Variants in PPP1R9A observed in about 807,000 individuals in gnomAD.
PPP1R9A encodes protein phosphatase 1 regulatory subunit 9A, also known as neurabin-1.
Under a neutral mutation model 141.9 loss-of-function variants are expected in PPP1R9A, and 59 were observed. The ratio of observed to expected loss-of-function variants is 0.42; its 90% CI spans 0.34 to 0.52. The LOEUF is 0.52. Ranked by LOEUF, PPP1R9A falls within the 20% of genes least tolerant of loss-of-function variation. The pLI is 0.10. For missense variants in PPP1R9A, 1,444 were observed against 1,611.9 expected, an observed-to-expected ratio of 0.90 and a Z score of 1.78; for synonymous variants, 500 against 569.7, an observed-to-expected ratio of 0.88 and a Z score of 1.74.
intron 2 of PPP1R9A, among the ~76,000 whole-genome samples, chr7:94,979,857 G>A (rs939824547): frequency 3.9e-5 from 6 of 152,134 alleles, no homozygotes; most frequent in Non-Finnish European, 8.8e-5. Flanking sequence ...TCTGACAAGA[G>A]AAAAAGAATG....
Position 95,157,903 on chromosome 7 carries a change from G to A in PPP1R9A, c.1650-3964G>A, listed in dbSNP as rs549792258. Among the ~76,000 whole-genome samples, 84 of 152,186 alleles carry A rather than the reference G, an allele frequency of 5.5e-4. 2 individuals are homozygous for A. The highest frequency in any genetic ancestry group is 1.9e-3 in the African/African-American group (80 of 41,530). On this transcript the variant is annotated intron_variant, in intron 4 of 19. Coordinates refer to ENST00000433360, the MANE Select transcript of PPP1R9A (RefSeq NM_001166160.2). ...ATAAAGTTGTCAGTTCTCCCCAAGG[G>A]AATCTTTAAAATCAATATGATTTCA...
intron 5 of PPP1R9A, among the ~76,000 whole-genome samples, chr7:95,186,007 C>A (rs1301492220): frequency 1.3e-5 from 2 of 148,772 alleles, no homozygotes; most frequent in Non-Finnish European, 3.0e-5. Context: ...GCTATGCAGG[C>A]TCTTTTTTTG....
chr7:95,270,960 A>C (rs1198153073), intron 14 of PPP1R9A, among the ~76,000 whole-genome samples: 2 of 152,138 alleles, frequency 1.3e-5, no homozygotes, highest in Non-Finnish European at 2.9e-5. Flanking sequence ...GAAGAGAGAG[A>C]GATTGCGTCC....
At chr7:95,098,201 A>G (rs1382323947) in intron 2 of PPP1R9A, 1 of 152,202 alleles carries the variant, frequency 6.6e-6, no homozygotes, top group Non-Finnish European at 1.5e-5. Context: ...TAGCCTAGTC[A>G]TGTTGACATA....
chr7:95,233,021 A>G (rs1271261545), intron 8 of PPP1R9A, among the ~76,000 whole-genome samples: 1 of 152,222 alleles, frequency 6.6e-6, no homozygotes, highest in Non-Finnish European at 1.5e-5. Context: ...ATTACTGGGT[A>G]TATACCCAAA....
At chr7:95,287,769 T>A (rs899224776) in intron 18 of PPP1R9A, among the ~76,000 whole-genome samples, 51 of 152,132 alleles carry the variant, frequency 3.4e-4, no homozygotes, top group African/African-American at 1.2e-3. Context: ...CACTGCAACC[T>A]CCACCTCCTG....
At chr7:94,933,268 GT>G (rs1168387850) in intron 2 of PPP1R9A, among the ~76,000 whole-genome samples, 3 of 152,120 alleles carry the variant, frequency 2.0e-5, no homozygotes, top group African/African-American at 7.2e-5. Context: ...ATGTATTATG[GT>G]TTAGTTTTTA....
At chr7:95,218,573 A>T (rs1354262958) in intron 7 of PPP1R9A, among the ~76,000 whole-genome samples, 7 of 152,120 alleles carry the variant, frequency 4.6e-5, no homozygotes, top group Non-Finnish European at 7.4e-5. Context: ...TGGGGTGTTA[A>T]AGTCTCCCAT....
chr7:95,022,841 G>A (rs1399509158), intron 2 of PPP1R9A, among the ~76,000 whole-genome samples: 2 of 152,088 alleles, frequency 1.3e-5, no homozygotes, highest in Admixed American at 1.3e-4. Flanking sequence ...ACTTGATCGT[G>A]GTGGATAAGC....
intron 12 of PPP1R9A, among the ~76,000 whole-genome samples, chr7:95,266,546 T>C (rs1468677403): frequency 1.3e-5 from 2 of 151,996 alleles, no homozygotes; most frequent in Non-Finnish European, 2.9e-5. Context: ...ATCAAGACAC[T>C]AGAGTAATCA....
chr7:95,083,818 A>G (rs1164847644), intron 2 of PPP1R9A, among the ~76,000 whole-genome samples: 1 of 152,016 alleles, frequency 6.6e-6, no homozygotes, highest in Non-Finnish European at 1.5e-5. Context: ...ATGCTGAAAA[A>G]TTGCTGAATT....
At chr7:95,121,981 A>T (rs1342016496) in intron 4 of PPP1R9A, among the ~76,000 whole-genome samples, 1 of 152,170 alleles carries the variant, frequency 6.6e-6, no homozygotes, top group Non-Finnish European at 1.5e-5. Flanking sequence ...GTAGACCCAA[A>T]TATACGACTG....
At chr7:95,064,849 T>A (rs184513191) in intron 2 of PPP1R9A, among the ~76,000 whole-genome samples, 35 of 152,354 alleles carry the variant, frequency 2.3e-4, no homozygotes, top group Admixed American at 1.2e-3. Context: ...TATAACATAT[T>A]AAAATGACTT....
chr7:94,911,490 T>C lies in PPP1R9A; in HGVS notation c.1377T>C (p.Phe459=). The C allele has an allele frequency of 6.2e-7, 1 of 1,610,108 alleles. No individual in the cohort carries two copies. The highest frequency in any genetic ancestry group is 1.7e-5 in the Admixed American group (1 of 60,008). Residue 459 remains phenylalanine (F), a synonymous_variant, in exon 2 of 20, where the codon TTT becomes TTC. Coordinates refer to ENST00000433360, the MANE Select transcript of PPP1R9A (RefSeq NM_001166160.2). ...TCCCAGCAAATAGGAAAATTAAGTT[T>C]AGTAGTGCTCCTATTAAGGTAAGTG... ...EEIPANRKIK[F]SSAPIKVFNT...
chr7:95,070,404 A>C (rs1654589632), intron 2 of PPP1R9A, among the ~76,000 whole-genome samples: 1 of 151,990 alleles, frequency 6.6e-6, no homozygotes, highest in African/African-American at 2.4e-5. Flanking sequence ...ATAGATCACC[A>C]TGACCTTGTA....
chr7:94,972,273 G>A (rs1028051527), intron 2 of PPP1R9A, among the ~76,000 whole-genome samples: 2 of 152,154 alleles, frequency 1.3e-5, no homozygotes, highest in African/African-American at 4.8e-5. Flanking sequence ...TTCTAGTTAT[G>A]TAAGTGGATA....
intron 2 of PPP1R9A, among the ~76,000 whole-genome samples, chr7:94,934,134 A>T (rs1241136741): frequency 6.6e-6 from 1 of 152,178 alleles, no homozygotes; most frequent in African/African-American, 2.4e-5. Flanking sequence ...ATGAGGGTAA[A>T]GTAAGAGGTG....
At chr7:95,161,843 G>A (rs761603610) in intron 4 of PPP1R9A, 24 bp from the exon 5 acceptor site, 1 of 1,451,330 alleles carries the variant, frequency 6.9e-7, no homozygotes, top group Non-Finnish European at 9.5e-7. Context: ...AATTTATGTG[G>A]GTAATTTTTT....
intron 4 of PPP1R9A, among the ~76,000 whole-genome samples, chr7:95,136,507 G>A (rs1240441299): frequency 1.3e-5 from 2 of 152,118 alleles, no homozygotes; most frequent in East Asian, 1.9e-4. Flanking sequence ...TGGTATTAAG[G>A]TCATGTAACA....
Sources: allele counts gnomAD v4.1 joint callset (sites outside exome capture counted in the v4.1 genomes callset), GRCh38; gene constraint gnomAD v4.1.1; transcripts MANE v1.5; gene names NCBI Gene and HGNC (gene_info 2026-07-23, HGNC 2026-07-21).